Variants in PDZRN3 observed in about 807,000 individuals in gnomAD.
The protein encoded by PDZRN3 is PDZ domain containing ring finger 3.
In PDZRN3, 38 loss-of-function variants were observed where a neutral mutation model predicts 85.7. The observed-to-expected ratio is 0.44, with a 90% CI of 0.34 to 0.58. The LOEUF (loss-of-function observed/expected upper bound fraction) is 0.58. Ranked by LOEUF, PDZRN3 falls within the 20% of genes least tolerant of loss-of-function variation. PDZRN3 has a pLI of 0.01. For missense variants in PDZRN3, 1,629 were observed against 1,506.4 expected (o/e 1.08, Z -1.35); for synonymous variants, 759 against 638.0 (o/e 1.19, Z -2.86).
intron 1 of PDZRN3, among the ~76,000 whole-genome samples, chr3:73,612,498 C>A (rs1157980247): frequency 4.6e-5 from 7 of 152,138 alleles, no homozygotes; most frequent in Non-Finnish European, 1.0e-4. Flanking sequence ...GTCTATTATA[C>A]CCTGAAAAGT....
intron 1 of PDZRN3, among the ~76,000 whole-genome samples, chr3:73,615,806 G>C (rs1039731524): frequency 2.0e-5 from 3 of 152,044 alleles, no homozygotes; most frequent in Admixed American, 6.5e-5. Flanking sequence ...CAGCCTAAAT[G>C]GCCTAAGACA....
At chr3:73,583,923 G>A (rs960235272) in intron 3 of PDZRN3, among the ~76,000 whole-genome samples, 8 of 152,124 alleles carry the variant, frequency 5.3e-5, no homozygotes, top group Non-Finnish European at 8.8e-5. Flanking sequence ...ACCACTTTCA[G>A]TATTCCCTAA....
chr3:73,415,882 T>C (rs1437033764), intron 3 of PDZRN3, among the ~76,000 whole-genome samples: 1 of 151,984 alleles, frequency 6.6e-6, no homozygotes, highest in Non-Finnish European at 1.5e-5. Flanking sequence ...CATCATGTTA[T>C]AGTTACCTTT....
intron 3 of PDZRN3, among the ~76,000 whole-genome samples, chr3:73,415,227 G>C (rs1259762626): frequency 6.6e-6 from 1 of 152,138 alleles, no homozygotes; most frequent in East Asian, 1.9e-4. Flanking sequence ...AACAGGTGTA[G>C]AGCACCAATC....
At chr3:73,469,778 A>T (rs1045226214) in intron 3 of PDZRN3, among the ~76,000 whole-genome samples, 1 of 150,058 alleles carries the variant, frequency 6.7e-6, no homozygotes, top group Admixed American at 6.6e-5. Context: ...AAATTAAAAC[A>T]AAGTGCTATT....
chr3:73,510,851 C>T (rs1241972797), intron 3 of PDZRN3, among the ~76,000 whole-genome samples: 1 of 152,112 alleles, frequency 6.6e-6, no homozygotes, highest in South Asian at 2.1e-4. Flanking sequence ...AAACAATATA[C>T]TGTAATAAAA....
intron 1 of PDZRN3, chr3:73,623,894 C>T (rs934839146): frequency 4.1e-5 from 19 of 458,246 alleles, no homozygotes; most frequent in East Asian, 3.6e-4. Flanking sequence ...TTACCGGTTA[C>T]GTCTAGACTA....
At chr3:73,515,173 CTTTTTTTT>C (rs60325744) in intron 3 of PDZRN3, among the ~76,000 whole-genome samples, 1 of 58,062 alleles carries the variant, frequency 1.7e-5, no homozygotes, top group South Asian at 8.5e-4. Flanking sequence ...ACAATCAGCC[CTTTTTTTT>C]TTTTTTTTTT....
At chr3:73,443,222 C>G (rs570461746) in intron 3 of PDZRN3, among the ~76,000 whole-genome samples, 2 of 152,190 alleles carry the variant, frequency 1.3e-5, no homozygotes. Flanking sequence ...ACAAAACCCC[C>G]CCTACCCTCC....
chr3:73,498,218 T>C (rs962969873), intron 3 of PDZRN3, among the ~76,000 whole-genome samples: 4 of 152,158 alleles, frequency 2.6e-5, no homozygotes, highest in African/African-American at 4.8e-5. Flanking sequence ...ATTTTCTCCA[T>C]CCTCCTGACT....
Position 73,453,337 on chromosome 3 carries a change from C to T in PDZRN3, c.919-48942G>A, listed in dbSNP as rs537545856. ...AGAAGAATCACTTGAAGCCGGGAGG[C>T]GGAGGTTGCAGTGAGCCGAGATCTA... On this transcript the variant is annotated intron_variant, in intron 3 of 9. Transcript: ENST00000263666. 1.8e-4 allele frequency among the ~76,000 whole-genome samples: 23 copies of T among 130,196 alleles called. No homozygotes were observed. The East Asian group carries it at 3.9e-3, about 22-fold the overall frequency. The allele number at this position is 130,196 out of a possible 152,430, so 85.4% of individuals were successfully genotyped here. A position where few individuals can be genotyped will look rare whatever the true frequency, so the allele number is the denominator to read the frequency against.
rs766122386 is a variant in PDZRN3, at chr3:73,495,967, T to C, written c.919-91572A>G. ...TTCCCTACCCTTCCCCCTATCCCCATCCCCCCTGCCAAGATTTTCAGCACC... is the reference window on the plus strand; with the variant it reads ...TTCCCTACCCTTCCCCCTATCCCCACCCCCCCTGCCAAGATTTTCAGCACC... On this transcript the variant is annotated intron_variant, in intron 3 of 9. Coordinates refer to ENST00000263666, the MANE Select transcript of PDZRN3 (RefSeq NM_015009.3). Among the ~76,000 whole-genome samples the C allele has an allele frequency of 1.2e-4, 18 of 149,774 alleles. 1 individual carries two copies. The highest frequency in any genetic ancestry group is 2.7e-4 in the Non-Finnish European group (18 of 67,432).
intron 3 of PDZRN3, among the ~76,000 whole-genome samples, chr3:73,452,284 A>T (rs1205923013): frequency 6.6e-6 from 1 of 152,100 alleles, no homozygotes; most frequent in East Asian, 1.9e-4. Context: ...GGTCTCAAAT[A>T]GGGGTGGGGT....
Position 73,492,966 on chromosome 3 carries a change from G to C in PDZRN3, c.919-88571C>G, listed in dbSNP as rs558555714. On this transcript the variant is annotated intron_variant, in intron 3 of 9. Transcript: ENST00000263666. ...AATGAGTACTCTTAGGGTTAGACTA[G>C]ATGGAAGGCTTTTCAACCTTTTTTT... 3.5e-5 allele frequency among the ~76,000 whole-genome samples: 5 copies of C among 144,772 alleles called. No homozygotes were observed. The South Asian group carries it at 1.1e-3, about 32-fold the overall frequency. The allele number at this position is 144,772 out of a possible 152,430, so 95.0% of individuals were successfully genotyped here.
chr3:73,529,309 T>C (rs764700493), intron 3 of PDZRN3, among the ~76,000 whole-genome samples: 1 of 152,184 alleles, frequency 6.6e-6, no homozygotes, highest in African/African-American at 2.4e-5. Flanking sequence ...CCACTGGCCA[T>C]GTGCTTGTCC....
In PDZRN3 at chr3:73,425,359, G is replaced by C. The variant is rs113400475; in HGVS notation, c.919-20964C>G. Among the ~76,000 whole-genome samples the C allele has an allele frequency of 2.6e-3, 398 of 152,194 alleles. 1 individual carries two copies. Among genetic ancestry groups the C allele is most frequent in the African/African-American group, 8.9e-3 (369 of 41,516 alleles). ...TTATATAATAATGATTATCCTAGAG[G>C]AGTAGATTTCAAAGGGTGATTCCCA... On this transcript the variant is annotated intron_variant, in intron 3 of 9. Coordinates refer to ENST00000263666, the MANE Select transcript of PDZRN3 (RefSeq NM_015009.3).
At chr3:73,397,109 A>G (rs372625048) in intron 5 of PDZRN3, among the ~76,000 whole-genome samples, 57 of 151,420 alleles carry the variant, frequency 3.8e-4, no homozygotes, top group Middle Eastern at 3.4e-3. Context: ...TCTTGGCTCA[A>G]TGCAACCTCC....
chr3:73,518,851 G>A (rs950206875), intron 3 of PDZRN3, among the ~76,000 whole-genome samples: 20 of 152,100 alleles, frequency 1.3e-4, no homozygotes, highest in African/African-American at 4.1e-4. Context: ...CAATCCCCAC[G>A]TCCTAACACC....
At chr3:73,457,942 A>G (rs1039773215) in intron 3 of PDZRN3, among the ~76,000 whole-genome samples, 1 of 152,166 alleles carries the variant, frequency 6.6e-6, no homozygotes, top group Admixed American at 6.5e-5. Flanking sequence ...TTTATAAGCC[A>G]CCTATTTTAT....
Sources: gnomAD v4.1 joint callset for allele counts (sites outside exome capture counted in the v4.1 genomes callset) on GRCh38, gnomAD v4.1.1 for gene constraint, MANE v1.5 for transcripts, NCBI Gene and HGNC (gene_info 2026-07-23, HGNC 2026-07-21) for gene names.